The following AGBL1 variants were observed in gnomAD, a reference collection of about 807,000 sequenced individuals.
AGBL1 encodes the protein AGBL carboxypeptidase 1, also known as cytosolic carboxypeptidase 4.
A neutral mutation model predicts 118.9 loss-of-function variants in AGBL1; 130 were observed. The observed-to-expected ratio is 1.09, with a 90% CI of 0.95 to 1.26. The LOEUF (loss-of-function observed/expected upper bound fraction) is 1.26, where lower values mean the gene tolerates loss of function less well. Among genes scored for constraint, AGBL1 ranks in the 50% most tolerant of loss-of-function variants. The probability of loss-of-function intolerance (pLI) is 0.00; values close to 1 mark genes in which losing one functional copy is unlikely to be tolerated. For synonymous variants in AGBL1, 555 were observed against 478.9 expected (o/e 1.16, Z -2.08); for missense variants, 1,584 against 1,298.1 (o/e 1.22, Z -3.38).
chr15:86,209,602 T>G (rs1255125313), intron 5 of AGBL1, among the ~76,000 whole-genome samples: 1 of 152,218 alleles, frequency 6.6e-6, no homozygotes, highest in African/African-American at 2.4e-5. Flanking sequence ...TTTGTTGGTT[T>G]AAAGTCTGAT....
intron 22 of AGBL1, among the ~76,000 whole-genome samples, chr15:86,805,669 C>T (rs1215643781): frequency 6.6e-6 from 1 of 152,204 alleles, no homozygotes; most frequent in Non-Finnish European, 1.5e-5. Flanking sequence ...GATTTTCTCA[C>T]TGTTCTCTGA....
At chr15:87,004,519 T>A (rs962845505) in intron 24 of AGBL1, among the ~76,000 whole-genome samples, 1 of 152,184 alleles carries the variant, frequency 6.6e-6, no homozygotes, top group Non-Finnish European at 1.5e-5. Flanking sequence ...ACCCCTGCCT[T>A]TTTTTGTTTT....
chr15:86,869,299 C>A (rs542563900), intron 22 of AGBL1, among the ~76,000 whole-genome samples: 1 of 152,058 alleles, frequency 6.6e-6, no homozygotes, highest in Non-Finnish European at 1.5e-5. Context: ...TGATGCCCAC[C>A]CCTGAATGCA....
intron 24 of AGBL1, among the ~76,000 whole-genome samples, chr15:87,012,894 C>T (rs1268358935): frequency 1.3e-5 from 2 of 152,220 alleles, no homozygotes; most frequent in African/African-American, 2.4e-5. Flanking sequence ...CAGCTCTGCA[C>T]TTTGATGCTC....
intron 17 of AGBL1, chr15:86,297,052 A>T (rs1472533640): frequency 6.6e-6 from 1 of 152,270 alleles, no homozygotes; most frequent in East Asian, 1.9e-4. Flanking sequence ...CCCTTAAATA[A>T]TCTGGCACTC....
intron 1 of AGBL1, among the ~76,000 whole-genome samples, chr15:86,111,832 G>A (rs1250165518): frequency 6.6e-6 from 1 of 152,206 alleles, no homozygotes; most frequent in Non-Finnish European, 1.5e-5. Context: ...CAGTAGGCAA[G>A]TAAGCAAAGC....
chr15:86,345,172 T>G (rs956262944), intron 17 of AGBL1, among the ~76,000 whole-genome samples: 1 of 152,014 alleles, frequency 6.6e-6, no homozygotes, highest in African/African-American at 2.4e-5. Context: ...TTATTTTACC[T>G]GCAGGAAACA....
intron 22 of AGBL1, among the ~76,000 whole-genome samples, chr15:86,722,105 C>T (rs2086731816): frequency 6.6e-6 from 1 of 151,992 alleles, no homozygotes; most frequent in Non-Finnish European, 1.5e-5. Context: ...AGATTCAATG[C>T]CATCCCCATC....
At chr15:86,476,017 G>C (rs533185306) in intron 18 of AGBL1, among the ~76,000 whole-genome samples, 1 of 152,146 alleles carries the variant, frequency 6.6e-6, no homozygotes, top group Admixed American at 6.5e-5. Flanking sequence ...ATCCTTTACA[G>C]ACAAGCAAAT....
At chr15:86,295,589 T>C (rs2079622669) in intron 17 of AGBL1, 181 bp downstream of exon 17, 1 of 506,578 alleles carries the variant, frequency 2.0e-6, no homozygotes, top group Non-Finnish European at 3.2e-6. Context: ...AATGTTGCTT[T>C]GTTGTTAAAG....
At chr15:86,811,055 G>A (rs2078781658) in intron 22 of AGBL1, among the ~76,000 whole-genome samples, 1 of 152,190 alleles carries the variant, frequency 6.6e-6, no homozygotes, top group Non-Finnish European at 1.5e-5. Context: ...GAGAAAGAGA[G>A]AAGATGATGT....
intron 21 of AGBL1, among the ~76,000 whole-genome samples, chr15:86,589,196 G>A (rs2084298678): frequency 6.6e-6 from 1 of 152,128 alleles, no homozygotes; most frequent in Admixed American, 6.5e-5. Context: ...ATCAGAAAGT[G>A]ATCAACTCAC....
At chr15:86,265,624 T>C (rs967285382) in intron 11 of AGBL1, among the ~76,000 whole-genome samples, 1 of 152,166 alleles carries the variant, frequency 6.6e-6, no homozygotes, top group Non-Finnish European at 1.5e-5. Context: ...CCACTTGGGG[T>C]CCTGGCTGAC....
At chr15:86,561,760 A>G (rs1313375862) in intron 21 of AGBL1, among the ~76,000 whole-genome samples, 2 of 152,186 alleles carry the variant, frequency 1.3e-5, no homozygotes, top group African/African-American at 2.4e-5. Flanking sequence ...GGCCATTTTC[A>G]TGACATTGAT....
chr15:86,813,704 T>C (rs2078822641), intron 22 of AGBL1, among the ~76,000 whole-genome samples: 1 of 152,130 alleles, frequency 6.6e-6, no homozygotes, highest in Non-Finnish European at 1.5e-5. Flanking sequence ...GAGTCAGTTA[T>C]AGAACAGGGA....
Position 86,637,926 on chromosome 15 carries a change from A to G in AGBL1, c.2995-36347A>G, listed in dbSNP as rs1008477070. Among the ~76,000 whole-genome samples, 9 of 152,252 alleles carry G rather than the reference A, an allele frequency of 5.9e-5. 1 individual carries two copies. The Middle Eastern group carries it at 0.027, about 460-fold the overall frequency. On this transcript the variant is annotated intron_variant, in intron 21 of 22. Coordinates refer to ENST00000614907, the MANE Select transcript of AGBL1 (RefSeq NM_001386094.1). ...GGTGTTTGGAAAATATTAATTTGCA[A>G]TTTGTTTTCCCAGGTAGAAAATCTA...
Position 86,548,416 on chromosome 15 carries a change from C to T in AGBL1, c.2817+2283C>T, listed in dbSNP as rs1418461177. ...GTTGGTATAAAGAGGTCAGTGAATCCTCTCTGCAAAACGCAGTATAAAATA... is the reference window on the plus strand; with the variant it reads ...GTTGGTATAAAGAGGTCAGTGAATCTTCTCTGCAAAACGCAGTATAAAATA... On this transcript the variant is annotated intron_variant, in intron 20 of 22. Coordinates refer to ENST00000614907, the MANE Select transcript of AGBL1 (RefSeq NM_001386094.1). 2.0e-5 allele frequency among the ~76,000 whole-genome samples: 3 copies of T among 152,070 alleles called. No individual in the cohort carries two copies. The South Asian group carries it at 6.2e-4, about 31-fold the overall frequency.
intron 22 of AGBL1, among the ~76,000 whole-genome samples, chr15:86,797,485 C>T (rs746413182): frequency 6.6e-5 from 10 of 152,186 alleles, no homozygotes; most frequent in Non-Finnish European, 1.5e-4. Flanking sequence ...TTTCAACCTG[C>T]TCACTCTGAG....
intron 22 of AGBL1, among the ~76,000 whole-genome samples, chr15:86,873,049 A>G (rs563901742): frequency 1.2e-3 from 176 of 152,300 alleles, no homozygotes; most frequent in African/African-American, 4.2e-3. Flanking sequence ...TTTCAGCTCC[A>G]ATTTGCTGCC....
Sources: gnomAD v4.1 joint callset for allele counts (sites outside exome capture counted in the v4.1 genomes callset) on GRCh38, gnomAD v4.1.1 for gene constraint, MANE v1.5 for transcripts, NCBI Gene and HGNC (gene_info 2026-07-23, HGNC 2026-07-21) for gene names.